KIF16B: variants seen among roughly 807,000 people sequenced by gnomAD.
KIF16B encodes the protein kinesin-like protein KIF16B.
In KIF16B, 98 loss-of-function variants were observed where a neutral mutation model predicts 156.3. The observed-to-expected ratio is 0.63, with a 90% CI of 0.53 to 0.74. The LOEUF (loss-of-function observed/expected upper bound fraction) is 0.74, where lower values mean the gene tolerates loss of function less well. Ranked by LOEUF, KIF16B falls within the 30% of genes least tolerant of loss-of-function variation. The pLI is 0.00. For missense variants in KIF16B, 1,421 were observed against 1,606.5 expected, an observed-to-expected ratio of 0.88 and a Z score of 1.97; for synonymous variants, 564 against 583.7, an observed-to-expected ratio of 0.97 and a Z score of 0.49.
chr20:16,458,547 T>C (rs2067268920), intron 12 of KIF16B, among the ~76,000 whole-genome samples: 1 of 152,216 alleles, frequency 6.6e-6, no homozygotes, highest in South Asian at 2.1e-4. Context: ...CGGAAAACTC[T>C]GTCTTTATGA....
At chr20:16,438,830 C>G (rs936617869) in intron 12 of KIF16B, among the ~76,000 whole-genome samples, 22 of 152,098 alleles carry the variant, frequency 1.4e-4, no homozygotes, top group Non-Finnish European at 2.6e-4. Flanking sequence ...TACTGGTAGG[C>G]CAGTAACATG....
intron 16 of KIF16B, among the ~76,000 whole-genome samples, chr20:16,405,222 C>T (rs147460777): frequency 6.6e-6 from 1 of 152,288 alleles, no homozygotes; most frequent in Non-Finnish European, 1.5e-5. Flanking sequence ...TGCCATCCTC[C>T]ATTACCTGGC....
At chr20:16,416,526 G>A (rs560536091) in intron 15 of KIF16B, among the ~76,000 whole-genome samples, 4 of 152,138 alleles carry the variant, frequency 2.6e-5, no homozygotes, top group African/African-American at 9.6e-5. Flanking sequence ...GCTGAACAAT[G>A]AGAACACATG....
At chr20:16,393,744 G>A (rs1214081773) in intron 17 of KIF16B, among the ~76,000 whole-genome samples, 1 of 152,218 alleles carries the variant, frequency 6.6e-6, no homozygotes, top group East Asian at 1.9e-4. Flanking sequence ...AAAGATAGAG[G>A]ATGCTATGAA....
rs151233803 is a variant in KIF16B at position 16,378,747 on chromosome 20, A to G, written c.3197+58T>C. 3.3e-4 allele frequency: 494 copies of G among 1,479,566 alleles called. 3 individuals are homozygous for G. The African/African-American group carries it at 6.1e-3, about 18-fold the overall frequency. The allele number at this position is 1,479,566 out of a possible 1,614,324, so 91.7% of individuals were successfully genotyped here. The stretch of plus-strand genomic sequence containing the variant: ...AAGGATAAACACAACATGAGGAGTG[A>G]AAAATGAGCACTCATTTGGCACCCA... On this transcript the variant is annotated intron_variant, in intron 19 of 25. Transcript: ENST00000354981.
chr20:16,390,959 G>T lies in KIF16B; in HGVS notation c.1785-9212C>A, dbSNP rs116271403. On this transcript the variant is annotated intron_variant, in intron 17 of 25. Coordinates refer to ENST00000354981, the MANE Select transcript of KIF16B (RefSeq NM_024704.5). Reference sequence around the variant, plus strand: ...GATCACACAGAATGTAAGGAGCCCAGTGGGAAAGGGCATGTTTTCAACAGG... The same window carrying T: ...GATCACACAGAATGTAAGGAGCCCATTGGGAAAGGGCATGTTTTCAACAGG... 9.5e-3 allele frequency among the ~76,000 whole-genome samples: 1,450 copies of T among 152,280 alleles called. 26 individuals carry two copies. The highest frequency in any genetic ancestry group is 0.033 in the African/African-American group (1,372 of 41,546).
chr20:16,506,368 G>A (rs1225479167), intron 7 of KIF16B, among the ~76,000 whole-genome samples, 178 bp from the exon 8 acceptor site: 1 of 152,134 alleles, frequency 6.6e-6, no homozygotes, highest in Non-Finnish European at 1.5e-5. Context: ...TTAATCCAAT[G>A]CAAAAGAAGT....
At chr20:16,541,158 T>A (rs1333375338) in intron 1 of KIF16B, among the ~76,000 whole-genome samples, 1 of 152,176 alleles carries the variant, frequency 6.6e-6, no homozygotes, top group Non-Finnish European at 1.5e-5. Context: ...GAAAAAGAAA[T>A]CTGTGCACAG....
chr20:16,380,077 T>A lies in KIF16B; in HGVS notation c.1925A>T (p.Lys642Met). 2 of 1,543,620 alleles carry A rather than the reference T, an allele frequency of 1.3e-6. No homozygotes were observed. Among genetic ancestry groups the A allele is most frequent in the Non-Finnish European group, 1.7e-6 (2 of 1,150,222 alleles). The change falls in exon 19 of 26, where the codon AAG (lysine) becomes ATG (methionine). Residue 642 changes from lysine (K) to methionine (M), a missense_variant. Physicochemically the swap from Lys to Met is moderately conservative, Grantham distance 95. Transcript: ENST00000354981. ...CTGGAGCTGCACGATTTCTGTCTCCTTGCGCTGGGTCTCCACCTCCTGCTG... is the reference window on the plus strand; with the variant it reads ...CTGGAGCTGCACGATTTCTGTCTCCATGCGCTGGGTCTCCACCTCCTGCTG... ...RMQQEVETQR[K>M]ETEIVQLQIR...
At chr20:16,560,700 G>A (rs181723353) in intron 1 of KIF16B, among the ~76,000 whole-genome samples, 3 of 151,856 alleles carry the variant, frequency 2.0e-5, no homozygotes, top group African/African-American at 2.4e-5. Flanking sequence ...TGGGAGGATC[G>A]CTTGGGCCTG....
At chr20:16,531,271 A>G (rs2069737186) in intron 1 of KIF16B, among the ~76,000 whole-genome samples, 1 of 152,256 alleles carries the variant, frequency 6.6e-6, no homozygotes, top group East Asian at 1.9e-4. Flanking sequence ...AAAACTGTTA[A>G]AAGAAAGAAT....
intron 23 of KIF16B, among the ~76,000 whole-genome samples, chr20:16,351,511 T>C (rs747033042): frequency 6.6e-6 from 1 of 152,252 alleles, no homozygotes; most frequent in Non-Finnish European, 1.5e-5. Flanking sequence ...TTAATGGCAT[T>C]ACTTGTGGCA....
chr20:16,491,501 T>C lies in KIF16B; in HGVS notation c.1302+2790A>G, dbSNP rs534095887. 2.0e-5 allele frequency among the ~76,000 whole-genome samples: 3 copies of C among 152,286 alleles called. No homozygotes were observed. The South Asian group carries it at 6.2e-4, about 32-fold the overall frequency. On this transcript the variant is annotated intron_variant, in intron 12 of 25. Coordinates refer to ENST00000354981, the MANE Select transcript of KIF16B (RefSeq NM_024704.5). ...GACCTGCCTCATTAAGATAAACACATGTTCTACTGTCAACTACTTTCAAAA... is the reference window on the plus strand; with the variant it reads ...GACCTGCCTCATTAAGATAAACACACGTTCTACTGTCAACTACTTTCAAAA...
intron 12 of KIF16B, among the ~76,000 whole-genome samples, chr20:16,467,426 A>C (rs973678938): frequency 6.6e-6 from 1 of 152,204 alleles, no homozygotes; most frequent in Non-Finnish European, 1.5e-5. Context: ...TTTTGAAGAG[A>C]CTGAAAAACA....
intron 25 of KIF16B, among the ~76,000 whole-genome samples, chr20:16,288,561 A>C (rs540205740): frequency 2.7e-5 from 4 of 148,268 alleles, no homozygotes; most frequent in African/African-American, 9.9e-5. Flanking sequence ...TACCTTAGTA[A>C]ACACAGTATG....
chr20:16,279,559 C>A (rs1246515760), intron 25 of KIF16B, among the ~76,000 whole-genome samples: 2 of 152,182 alleles, frequency 1.3e-5, no homozygotes, highest in Non-Finnish European at 2.9e-5. Context: ...AGAAACCTTC[C>A]TTGTAGAACA....
chr20:16,316,105 T>C (rs1332652533), intron 24 of KIF16B, among the ~76,000 whole-genome samples: 1 of 152,218 alleles, frequency 6.6e-6, no homozygotes, highest in African/African-American at 2.4e-5. Context: ...TAAGCTCAGG[T>C]TGGACAAGAT....
At chr20:16,547,373 C>A (rs1029641107) in intron 1 of KIF16B, among the ~76,000 whole-genome samples, 1 of 152,234 alleles carries the variant, frequency 6.6e-6, no homozygotes, top group African/African-American at 2.4e-5. Flanking sequence ...TGGGTGACAG[C>A]AAATGGCTAG....
chr20:16,415,985 C>G (rs1201562605), intron 15 of KIF16B, among the ~76,000 whole-genome samples: 2 of 152,128 alleles, frequency 1.3e-5, no homozygotes, highest in Admixed American at 6.5e-5. Context: ...GGCTTTTATT[C>G]ATATGTTTCT....
Sources: allele counts gnomAD v4.1 joint callset (sites outside exome capture counted in the v4.1 genomes callset), GRCh38; gene constraint gnomAD v4.1.1; transcripts MANE v1.5; gene names NCBI Gene and HGNC (gene_info 2026-07-23, HGNC 2026-07-21).